DAAM2: variants seen among roughly 807,000 people sequenced by gnomAD.
DAAM2 encodes dishevelled associated activator of morphogenesis 2.
A neutral mutation model predicts 120.7 loss-of-function variants in DAAM2; 39 were observed. That is an observed-to-expected ratio of 0.32 (90% CI 0.25 to 0.42). The LOEUF is 0.42. Ranked by LOEUF, DAAM2 falls within the 10% of genes least tolerant of loss-of-function variation. DAAM2 has a pLI of 1.00. For synonymous variants in DAAM2, 488 were observed against 524.9 expected (o/e 0.93, Z 0.96); for missense variants, 1,283 against 1,401.7 (o/e 0.92, Z 1.35).
At chr6:39,846,980 C>T (rs13211640) in intron 1 of DAAM2, among the ~76,000 whole-genome samples, 4 of 152,210 alleles carry the variant, frequency 2.6e-5, no homozygotes, top group African/African-American at 9.7e-5. Context: ...CATCCTACCC[C>T]CTAGTTACTG....
At chr6:39,893,082 A>G (rs1449067684) in intron 19 of DAAM2, among the ~76,000 whole-genome samples, 1 of 152,252 alleles carries the variant, frequency 6.6e-6, no homozygotes, top group Non-Finnish European at 1.5e-5. Context: ...TCAGCCCAAG[A>G]CATGTGTGCA....
rs775703168 is a variant in DAAM2 at position 39,904,205 on chromosome 6, T to C, written c.*2168T>C. On this transcript the variant is annotated 3_prime_UTR_variant, in exon 25 of 25. Transcript: ENST00000274867. ...ATTTGATCTTCAGAAAAGCAGAATT[T>C]GGTTCAACTGTTGACAGAGGACACA... 16 of 456,626 alleles carry C rather than the reference T, an allele frequency of 3.5e-5. No homozygotes were observed. The highest frequency in any genetic ancestry group is 7.0e-5 in the Non-Finnish European group (16 of 226,980). 28.3% of individuals were successfully genotyped at this position (456,626 alleles called of 1,614,324 possible).
intron 1 of DAAM2, among the ~76,000 whole-genome samples, chr6:39,843,521 G>A (rs181138019): frequency 2.6e-5 from 4 of 152,242 alleles, no homozygotes; most frequent in South Asian, 2.1e-4. Flanking sequence ...GGCTGCCTGC[G>A]CTGGCTGCTG....
chr6:39,860,127 G>A (rs1342139973), intron 2 of DAAM2, among the ~76,000 whole-genome samples: 1 of 152,094 alleles, frequency 6.6e-6, no homozygotes, highest in Non-Finnish European at 1.5e-5. Flanking sequence ...GCTTTTCAGG[G>A]GCCGTCTAGC....
chr6:39,843,966 C>T (rs1763463212), intron 1 of DAAM2, among the ~76,000 whole-genome samples: 1 of 152,094 alleles, frequency 6.6e-6, no homozygotes, highest in Non-Finnish European at 1.5e-5. Context: ...ATGTTGGAAT[C>T]AGTCAGACTG....
chr6:39,887,712 A>G (rs981357822), intron 16 of DAAM2, 120 bp downstream of exon 16: 112 of 658,354 alleles, frequency 1.7e-4, no homozygotes, highest in Middle Eastern at 1.6e-3. Flanking sequence ...GCAGGCATTG[A>G]TCTGGAACTG....
rs1764537957 is a variant in DAAM2 at position 39,868,921 on chromosome 6, T to G, written c.861T>G (p.Ala287=). 1 of 1,576,030 alleles carries G rather than the reference T, an allele frequency of 6.3e-7. No individual in the cohort carries two copies. Among genetic ancestry groups the G allele is most frequent in the Non-Finnish European group, 8.6e-7 (1 of 1,160,694 alleles). ...CCTTCATCAATGCTGTCCTCAATGC[T>G]GGAGCTGGAGAGGTGGGGTGCCTTC... ...IMSFINAVLN[A]GAGEDNLEFR... Residue 287 remains alanine (A), a synonymous_variant, in exon 7 of 25, where the codon GCT becomes GCG. Coordinates refer to ENST00000274867, the MANE Select transcript of DAAM2 (RefSeq NM_001201427.2).
Position 39,856,337 on chromosome 6 carries a change from G to T in DAAM2, c.35G>T (p.Gly12Val). The T allele has an allele frequency of 6.4e-7, 1 of 1,550,826 alleles. No individual in the cohort carries two copies. The highest frequency in any genetic ancestry group is 8.7e-7 in the Non-Finnish European group (1 of 1,148,534). The change falls in exon 2 of 25, where the codon GGC becomes GTC. Residue 12 changes from glycine to valine, a missense_variant. Around this residue, in one of 3 missense-constraint regions of DAAM2, gnomAD observed 197 missense variants for 189.3 expected, o/e 1.04. Transcript: ENST00000274867. The part of the protein sequence containing the change: ...APRKRSHHGL[G>V]FLCCFGGSDI... ...CGCAAGAGGAGCCACCATGGCCTGG[G>T]CTTCCTGTGCTGCTTCGGGGGCAGT... is the stretch of plus-strand genomic sequence containing the variant.
intron 10 of DAAM2, among the ~76,000 whole-genome samples, chr6:39,874,558 G>A (rs1481593193): frequency 6.6e-6 from 1 of 152,210 alleles, no homozygotes. Context: ...GGGCTTTGCA[G>A]ACTCGATATT....
chr6:39,838,379 C>T (rs539928790), intron 1 of DAAM2, among the ~76,000 whole-genome samples: 31 of 152,152 alleles, frequency 2.0e-4, no homozygotes, highest in Admixed American at 4.6e-4. Context: ...AACAAATTCC[C>T]GGGTGATGCT....
intron 1 of DAAM2, among the ~76,000 whole-genome samples, chr6:39,824,950 C>T (rs1762615061): frequency 6.6e-6 from 1 of 152,154 alleles, no homozygotes; most frequent in Non-Finnish European, 1.5e-5. Flanking sequence ...CAGGTTATCC[C>T]AACTGTCTAA....
At chr6:39,896,691 A>G in intron 19 of DAAM2, 121 bp from the exon 20 acceptor site, 1 of 766,164 alleles carries the variant, frequency 1.3e-6, no homozygotes, top group Non-Finnish European at 1.9e-6. Flanking sequence ...TGCCTCACTG[A>G]GAGTTGAAGG....
At position 39,902,046 on chromosome 6, in the gene DAAM2, ACTAG is replaced by A; in HGVS notation, c.*11_*14del. ...ACCGGCTAAATTATTGACCTGGGGAACTAGCCACACAGGAGGCCGGGAGACAGGG... is the reference window on the plus strand; with the variant it reads ...ACCGGCTAAATTATTGACCTGGGGAACCACACAGGAGGCCGGGAGACAGGG... On this transcript the variant is annotated 3_prime_UTR_variant, in exon 25 of 25. Transcript: ENST00000274867. The A allele has an allele frequency of 6.3e-7, 1 of 1,592,172 alleles. No homozygotes were observed. Among genetic ancestry groups the A allele is most frequent in the South Asian group, 1.1e-5 (1 of 88,644 alleles).
intron 1 of DAAM2, among the ~76,000 whole-genome samples, chr6:39,845,440 C>T (rs988058132): frequency 1.4e-3 from 19 of 13,372 alleles, no homozygotes; most frequent in Non-Finnish European, 2.9e-3. Flanking sequence ...CCACACACAC[C>T]GCACACATAC....
chr6:39,813,637 A>G (rs1762229027), intron 1 of DAAM2, among the ~76,000 whole-genome samples: 1 of 152,226 alleles, frequency 6.6e-6, no homozygotes, highest in African/African-American at 2.4e-5. Context: ...GCAGAAGACA[A>G]AAATAAAATT....
Position 39,901,878 on chromosome 6 carries a change from G to C in DAAM2, c.3048G>C (p.Ser1016=). ...RQRKVLAAGS[S]LEEGGEFDDL... ...GGAAGGTCCTGGCTGCAGGCAGCTCGCTGGAGGAGGGAGGAGAGTTCGATG... is the reference window on the plus strand; with the variant it reads ...GGAAGGTCCTGGCTGCAGGCAGCTCCCTGGAGGAGGGAGGAGAGTTCGATG... The change falls in exon 25 of 25, where the codon TCG becomes TCC. Residue 1016 remains serine, a synonymous_variant. Transcript: ENST00000274867. The surrounding 1 kb of genome is among the most constrained non-coding windows in gnomAD (Gnocchi z 4.5). 6.3e-7 allele frequency: 1 copy of C among 1,595,686 alleles called. No homozygotes were observed. Among genetic ancestry groups the C allele is most frequent in the Non-Finnish European group, 8.6e-7 (1 of 1,167,662 alleles).
chr6:39,901,574 C>A lies in DAAM2; in HGVS notation c.2982+102C>A, dbSNP rs2149384368. 1.5e-6 allele frequency: 2 copies of A among 1,298,568 alleles called. No individual in the cohort carries two copies. The highest frequency in any genetic ancestry group is 2.1e-6 in the Non-Finnish European group (2 of 954,334). 80.4% of individuals were successfully genotyped at this position (1,298,568 alleles called of 1,614,324 possible). ...TGGGAGGAGGGCAGAGACTGAGGAA[C>A]TGAGGAACACCATAGGGGTTGGATG... On this transcript the variant is annotated intron_variant, in intron 24 of 24. Coordinates refer to ENST00000274867, the MANE Select transcript of DAAM2 (RefSeq NM_001201427.2). This position sits in a 1 kb window ranked among gnomAD's most constrained non-coding sequence, Gnocchi z 4.5.
intron 5 of DAAM2, among the ~76,000 whole-genome samples, chr6:39,866,745 A>T (rs1382722910): frequency 6.6e-6 from 1 of 152,254 alleles, no homozygotes; most frequent in African/African-American, 2.4e-5. Flanking sequence ...ATTTTGAAGT[A>T]CTGAGGAGTG....
chr6:39,853,442 C>T (rs368920932), intron 1 of DAAM2, among the ~76,000 whole-genome samples: 1 of 152,172 alleles, frequency 6.6e-6, no homozygotes, highest in Non-Finnish European at 1.5e-5. Context: ...ACTTCCTGTT[C>T]GCAGGGTCTG....
Sources: gnomAD v4.1 joint callset for allele counts (sites outside exome capture counted in the v4.1 genomes callset) on GRCh38, gnomAD v4.1.1 for gene constraint, gnomAD v4.1.1 regional missense constraint, Gnocchi (gnomAD v3.1) non-coding constraint, MANE v1.5 for transcripts, NCBI Gene and HGNC (gene_info 2026-07-23, HGNC 2026-07-21) for gene names.